The following FAM222B variants were observed in gnomAD, a reference collection of about 807,000 sequenced individuals.
The protein encoded by FAM222B is family with sequence similarity 222 member B, also known as protein FAM222B.
Under a neutral mutation model 38.0 loss-of-function variants are expected in FAM222B, and 12 were observed. The ratio of observed to expected loss-of-function variants is 0.32; its 90% confidence interval spans 0.20 to 0.51. The LOEUF (loss-of-function observed/expected upper bound fraction) is 0.51, where lower values mean the gene tolerates loss of function less well. Ranked by LOEUF, FAM222B falls within the 20% of genes least tolerant of loss-of-function variation. The probability of loss-of-function intolerance (pLI) is 0.97; values close to 1 mark genes in which losing one functional copy is unlikely to be tolerated. For missense variants in FAM222B, 716 were observed against 754.2 expected (o/e 0.95, Z 0.59); for synonymous variants, 329 against 317.2 (o/e 1.04, Z -0.40).
At chr17:28,785,692 T>A (rs1032164549) in intron 1 of FAM222B, among the ~76,000 whole-genome samples, 4 of 151,328 alleles carry the variant, frequency 2.6e-5, no homozygotes, top group Non-Finnish European at 5.9e-5. Flanking sequence ...TGTGCCACCA[T>A]GCCCGGCTAT....
chr17:28,771,538 G>A lies in FAM222B; in HGVS notation c.-40-4831C>T, dbSNP rs767544779. 1.1e-3 allele frequency among the ~76,000 whole-genome samples: 161 copies of A among 151,726 alleles called. 1 individual carries two copies. Among genetic ancestry groups the A allele is most frequent in the Non-Finnish European group, 1.5e-3 (104 of 67,948 alleles). ...CTACTCAAAATACAAAAAATTAGTC[G>A]GGCGTGGTGATGGGCACCTGTAATC... is the stretch of plus-strand genomic sequence containing the variant. On this transcript the variant is annotated intron_variant, in intron 1 of 2. Coordinates refer to ENST00000581407, the MANE Select transcript of FAM222B (RefSeq NM_001077498.3).
chr17:28,832,726 T>C (rs1053838489), intron 1 of FAM222B, among the ~76,000 whole-genome samples: 9 of 152,120 alleles, frequency 5.9e-5, no homozygotes, highest in Non-Finnish European at 1.2e-4. Context: ...ACATTTTAGC[T>C]CCTAGCAGAG....
intron 1 of FAM222B, chr17:28,854,945 C>G: frequency 6.9e-7 from 1 of 1,446,596 alleles, no homozygotes; most frequent in African/African-American, 1.4e-5. Context: ...TTTGGGCAGA[C>G]CTACCTCTCT....
intron 1 of FAM222B, among the ~76,000 whole-genome samples, chr17:28,797,648 C>A (rs1002304490): frequency 1.3e-5 from 2 of 152,128 alleles, no homozygotes; most frequent in Non-Finnish European, 2.9e-5. Flanking sequence ...CAATATCTTA[C>A]ATTTGTAGGG....
chr17:28,830,396 G>A (rs1285215726), intron 1 of FAM222B, among the ~76,000 whole-genome samples: 1 of 151,838 alleles, frequency 6.6e-6, no homozygotes, highest in Admixed American at 6.6e-5. Context: ...TCCCAACCTC[G>A]TGATCCAGCT....
chr17:28,829,004 C>A (rs1481525821), intron 1 of FAM222B, among the ~76,000 whole-genome samples: 2 of 152,168 alleles, frequency 1.3e-5, no homozygotes, highest in Middle Eastern at 3.4e-3. Context: ...CTCCCGGGTT[C>A]AAGCGACTGT....
chr17:28,852,493 T>TA (rs2039189706), intron 1 of FAM222B, among the ~76,000 whole-genome samples: 1 of 151,874 alleles, frequency 6.6e-6, no homozygotes, highest in Admixed American at 6.6e-5. Context: ...ACCAAAAAAT[T>TA]AGCCGGATGT....
chr17:28,828,095 ATTTTTT>A (rs528492764), intron 1 of FAM222B, among the ~76,000 whole-genome samples: 3 of 74,692 alleles, frequency 4.0e-5, no homozygotes, highest in African/African-American at 6.8e-5. Flanking sequence ...ATCAAATCCA[ATTTTTT>A]TTTTTTTTTT....
upstream of FAM222B, among the ~76,000 whole-genome samples, chr17:28,843,872 C>A (rs1239221565): frequency 6.6e-6 from 1 of 152,150 alleles, no homozygotes; most frequent in Non-Finnish European, 1.5e-5. Flanking sequence ...GGGACCTTGT[C>A]AAGGAGGTGA....
intron 1 of FAM222B, among the ~76,000 whole-genome samples, chr17:28,842,255 G>A (rs1353259972): frequency 6.6e-6 from 1 of 152,026 alleles, no homozygotes; most frequent in Non-Finnish European, 1.5e-5. Context: ...TCAAAAGAGG[G>A]TTCCCGACTC....
intron 1 of FAM222B, among the ~76,000 whole-genome samples, chr17:28,790,883 ACTTT>A (rs1275663922): frequency 5.6e-4 from 5 of 8,904 alleles, no homozygotes; most frequent in African/African-American, 1.6e-3. Flanking sequence ...AAATTGTTTC[ACTTT>A]TTTTTTTTTT....
intron 1 of FAM222B, among the ~76,000 whole-genome samples, chr17:28,847,923 A>AAAAAG (rs1194350646): frequency 1.3e-5 from 2 of 151,848 alleles, no homozygotes; most frequent in East Asian, 1.9e-4. Context: ...CAAAAAAAAA[A>AAAAAG]AAAAGAAAAG....
At chr17:28,800,831 G>A (rs1489090906) in intron 1 of FAM222B, among the ~76,000 whole-genome samples, 1 of 140,198 alleles carries the variant, frequency 7.1e-6, no homozygotes, top group Non-Finnish European at 1.5e-5. Flanking sequence ...TCTTAATTAA[G>A]CTACTAGTTC....
intron 1 of FAM222B, among the ~76,000 whole-genome samples, chr17:28,775,189 C>T (rs2035827473): frequency 6.6e-6 from 1 of 151,412 alleles, no homozygotes; most frequent in Non-Finnish European, 1.5e-5. Flanking sequence ...TTAGTACAAA[C>T]AGGGTTTCAC....
intron 1 of FAM222B, among the ~76,000 whole-genome samples, chr17:28,787,721 T>C (rs775471076): frequency 1.3e-5 from 2 of 152,132 alleles, no homozygotes; most frequent in Non-Finnish European, 2.9e-5. Flanking sequence ...AATAATACTT[T>C]CATAGCTAGG....
intron 1 of FAM222B, chr17:28,834,182 T>C (rs2152618655): frequency 6.6e-6 from 1 of 152,336 alleles, no homozygotes; most frequent in Middle Eastern, 3.4e-3. Context: ...CATCACACCA[T>C]TCTCCCAACC....
intron 1 of FAM222B, chr17:28,802,664 G>T: frequency 5.6e-6 from 1 of 179,718 alleles, no homozygotes. Flanking sequence ...AGCTGTCTGG[G>T]CCAAAGGAAT....
intron 1 of FAM222B, among the ~76,000 whole-genome samples, chr17:28,815,002 G>A (rs570831632): frequency 7.4e-5 from 11 of 149,388 alleles, no homozygotes; most frequent in African/African-American, 2.5e-4. Flanking sequence ...TCGAACTCCA[G>A]ACCTCAGGTG....
upstream of FAM222B, among the ~76,000 whole-genome samples, chr17:28,843,971 G>A (rs911994316): frequency 6.6e-6 from 1 of 152,170 alleles, no homozygotes; most frequent in African/African-American, 2.4e-5. Flanking sequence ...TCTAGGCATC[G>A]CGTGTATGCT....
Sources: gnomAD v4.1 joint callset for allele counts (sites outside exome capture counted in the v4.1 genomes callset) on GRCh38, gnomAD v4.1.1 for gene constraint, MANE v1.5 for transcripts, NCBI Gene and HGNC (gene_info 2026-07-23, HGNC 2026-07-21) for gene names.